KMT2C: variants seen among roughly 807,000 people sequenced by gnomAD.
KMT2C encodes lysine methyltransferase 2C.
In KMT2C, 88 loss-of-function variants were observed where a neutral mutation model predicts 507.9. The observed-to-expected ratio is 0.17, with a 90% CI of 0.15 to 0.21. KMT2C has a LOEUF of 0.21. KMT2C is among the 10% of genes least tolerant of loss of function. The probability of loss-of-function intolerance (pLI) is 1.00; values close to 1 mark genes in which losing one functional copy is unlikely to be tolerated. For synonymous variants in KMT2C, 2,049 were observed against 2,080.8 expected, an observed-to-expected ratio of 0.98 and a Z score of 0.42; for missense variants, 4,954 against 5,957.8, an observed-to-expected ratio of 0.83 and a Z score of 5.55.
At chr7:152,311,537 G>C (rs1473846748) in intron 5 of KMT2C, among the ~76,000 whole-genome samples, 1 of 150,172 alleles carries the variant, frequency 6.7e-6, no homozygotes, top group Non-Finnish European at 1.5e-5. Flanking sequence ...TCAATTGTCA[G>C]ATCTCCATGG....
rs150919083 is a variant in KMT2C, at chr7:152,310,846, C to T, written c.740-771G>A. ...ACTACAGGCACATGCCACCACACTC[C>T]GGGAATTTTTTTCATTTTTTGTAGA... On this transcript the variant is annotated intron_variant, in intron 5 of 58. Coordinates refer to ENST00000262189, the MANE Select transcript of KMT2C (RefSeq NM_170606.3). Among the ~76,000 whole-genome samples, 7 of 151,928 alleles carry T rather than the reference C, an allele frequency of 4.6e-5. No individual in the cohort carries two copies. In the East Asian group the frequency reaches 7.8e-4, roughly 17 times the overall value.
chr7:152,371,178 A>G (rs2097290682), intron 1 of KMT2C, among the ~76,000 whole-genome samples: 1 of 152,270 alleles, frequency 6.6e-6, no homozygotes, highest in Non-Finnish European at 1.5e-5. Flanking sequence ...AAAGTATTAA[A>G]TATTAACTAT....
At chr7:152,377,141 A>G (rs1374226173) in intron 1 of KMT2C, among the ~76,000 whole-genome samples, 42 of 152,384 alleles carry the variant, frequency 2.8e-4, no homozygotes, top group Admixed American at 1.3e-3. Flanking sequence ...GCTCTTAAGA[A>G]TTATGCTATA....
At chr7:152,343,192 T>C (rs978147962) in intron 2 of KMT2C, among the ~76,000 whole-genome samples, 11 of 152,104 alleles carry the variant, frequency 7.2e-5, no homozygotes, top group Admixed American at 2.0e-4. Context: ...AGATGAGGAA[T>C]TGAAAGCAAC....
rs1378829919 is a variant in KMT2C at position 152,325,507 on chromosome 7, C to A, written c.389+5094G>T. 9.2e-5 allele frequency among the ~76,000 whole-genome samples: 14 copies of A among 151,778 alleles called. No individual in the cohort carries two copies. The South Asian group carries it at 1.9e-3, about 20-fold the overall frequency. On this transcript the variant is annotated intron_variant, in intron 3 of 58. Transcript: ENST00000262189. Reference sequence around the variant, plus strand: ...ACAGGGTCTCACTATGTCACCCAGGCTGGAGTGCAGTGGCAGGATCACAGC... The same window carrying A: ...ACAGGGTCTCACTATGTCACCCAGGATGGAGTGCAGTGGCAGGATCACAGC...
intron 6 of KMT2C, among the ~76,000 whole-genome samples, chr7:152,306,682 C>T (rs1455652676): frequency 6.6e-6 from 1 of 152,054 alleles, no homozygotes; most frequent in Non-Finnish European, 1.5e-5. Context: ...ACCAAATTTC[C>T]CTCCAAAAGA....
chr7:152,315,957 GT>G (rs1461567705), intron 3 of KMT2C, among the ~76,000 whole-genome samples: 3 of 152,036 alleles, frequency 2.0e-5, no homozygotes, highest in Non-Finnish European at 4.4e-5. Context: ...AGAAGGTAGA[GT>G]TTAGTAGCCA....
chr7:152,222,374 T>C (rs1343411663), intron 21 of KMT2C, among the ~76,000 whole-genome samples, 199 bp downstream of exon 21: 1 of 152,218 alleles, frequency 6.6e-6, no homozygotes, highest in African/African-American at 2.4e-5. Flanking sequence ...ATGCTTTTTA[T>C]TGTTTCATGT....
chr7:152,349,804 A>G (rs1267476642), intron 2 of KMT2C, among the ~76,000 whole-genome samples: 2 of 152,150 alleles, frequency 1.3e-5, no homozygotes, highest in South Asian at 2.1e-4. Flanking sequence ...ATAATGTGTC[A>G]ATGTAGGCTT....
chr7:152,297,065 G>C (rs552111860), intron 6 of KMT2C, among the ~76,000 whole-genome samples: 1,461 of 117,090 alleles, frequency 0.012, 39 homozygotes, highest in African/African-American at 0.038. Context: ...CAGAGAGAGA[G>C]AGAGAGAGAG....
In KMT2C at chr7:152,410,833, CA is replaced by C. The variant is rs2097674895; in HGVS notation, c.161+24792del. 2.6e-5 allele frequency among the ~76,000 whole-genome samples: 4 copies of C among 151,426 alleles called. No individual in the cohort carries two copies. In the South Asian group the frequency reaches 8.3e-4, roughly 31 times the overall value. On this transcript the variant is annotated intron_variant, in intron 1 of 58. Coordinates refer to ENST00000262189, the MANE Select transcript of KMT2C (RefSeq NM_170606.3). ...GCAACATCGAGAGACGCCGTCTCTA[CA>C]AAAAATAAAAGATAAAAAAATTAGC...
rs2095442182 is a variant in KMT2C, at chr7:152,244,756, C to G, written c.2532+3146G>C. ...AACAAAAAACAAAAGGAATCTTATTCTATTCACAGCCATCAGAAAAATGTG... is the reference window on the plus strand; with the variant it reads ...AACAAAAAACAAAAGGAATCTTATTGTATTCACAGCCATCAGAAAAATGTG... On this transcript the variant is annotated intron_variant, in intron 14 of 58. Coordinates refer to ENST00000262189, the MANE Select transcript of KMT2C (RefSeq NM_170606.3). Among the ~76,000 whole-genome samples the G allele has an allele frequency of 3.9e-5, 6 of 152,230 alleles. No homozygotes were observed. In the South Asian group the frequency reaches 1.2e-3, roughly 32 times the overall value.
At position 152,268,434 on chromosome 7, in the gene KMT2C, G is replaced by A. The variant is rs570368308; in HGVS notation, c.1013-3225C>T. On this transcript the variant is annotated intron_variant, in intron 7 of 58. Transcript: ENST00000262189. ...CTCTGTGAATCCTTGAAGGACAGGG[G>A]CCTTAACTTTTTTAACTTTGTATCC... Among the ~76,000 whole-genome samples, 48 of 152,270 alleles carry A rather than the reference G, an allele frequency of 3.2e-4. 1 individual carries two copies. The highest frequency in any genetic ancestry group is 9.1e-4 in the African/African-American group (38 of 41,562).
At chr7:152,353,494 C>T (rs190202220) in intron 2 of KMT2C, among the ~76,000 whole-genome samples, 1 of 152,164 alleles carries the variant, frequency 6.6e-6, no homozygotes, top group Non-Finnish European at 1.5e-5. Context: ...GACTCATTAG[C>T]ATTCTTTTCT....
intron 6 of KMT2C, among the ~76,000 whole-genome samples, chr7:152,298,832 T>C (rs1044293079): frequency 6.6e-6 from 1 of 152,154 alleles, no homozygotes. Context: ...AAAAGTCAAA[T>C]GCATGGCAGC....
At chr7:152,213,788 C>G (rs1014034541) in intron 23 of KMT2C, among the ~76,000 whole-genome samples, 1 of 148,726 alleles carries the variant, frequency 6.7e-6, no homozygotes, top group African/African-American at 2.5e-5. Flanking sequence ...AAAGGTAGCA[C>G]AGGGATTAGG....
intron 1 of KMT2C, chr7:152,368,370 A>C: frequency 9.0e-7 from 1 of 1,106,698 alleles, no homozygotes; most frequent in Non-Finnish European, 1.4e-6. Flanking sequence ...CACAAATGGA[A>C]GAAGAAAGAA....
intron 6 of KMT2C, among the ~76,000 whole-genome samples, chr7:152,304,093 A>C (rs2096594966): frequency 6.6e-6 from 1 of 152,116 alleles, no homozygotes; most frequent in Admixed American, 6.6e-5. Context: ...ACAATCAAAA[A>C]ATTTACAAAA....
At position 152,167,360 on chromosome 7, in the gene KMT2C, T is replaced by G. The variant is rs778684749; in HGVS notation, c.9536A>C (p.Gln3179Pro). 6 of 1,609,874 alleles carry G rather than the reference T, an allele frequency of 3.7e-6. No individual in the cohort carries two copies. Among genetic ancestry groups the G allele is most frequent in the Non-Finnish European group, 5.1e-6 (6 of 1,176,876 alleles). ...PGFVNDSQRK[Q>P]YEEWLQETQQ... is the part of the protein sequence containing the mutation. ...GGTCTCCTGGAGCCACTCTTCATACTGCTTACGCTGTGAATCATCTGAGGA... is the reference window on the plus strand; with the variant it reads ...GGTCTCCTGGAGCCACTCTTCATACGGCTTACGCTGTGAATCATCTGAGGA... The change falls in exon 42 of 59, where the codon CAG (glutamine) becomes CCG (proline). Residue 3179 changes from glutamine (Q) to proline (P), a missense_variant. Transcript: ENST00000262189.
Sources: gnomAD v4.1 joint callset for allele counts (sites outside exome capture counted in the v4.1 genomes callset) on GRCh38, gnomAD v4.1.1 for gene constraint, MANE v1.5 for transcripts, NCBI Gene and HGNC (gene_info 2026-07-23, HGNC 2026-07-21) for gene names.